NIM1K: variants seen among roughly 807,000 people sequenced by gnomAD.
The protein encoded by NIM1K is NIM1 serine/threonine protein kinase.
NIM1K carries 35 observed loss-of-function variants against 37.1 expected under a neutral mutation model. That is an observed-to-expected ratio of 0.94 (90% CI 0.72 to 1.25). The LOEUF (loss-of-function observed/expected upper bound fraction) is 1.25, where lower values mean the gene tolerates loss of function less well. Among genes scored for constraint, NIM1K ranks in the 50% most tolerant of loss-of-function variants. NIM1K has a pLI of 0.00. For missense variants in NIM1K, 564 were observed against 548.0 expected (o/e 1.03, Z -0.29); for synonymous variants, 234 against 206.6 (o/e 1.13, Z -1.14).
At chr5:43,239,865 A>C (rs898400872) in intron 1 of NIM1K, among the ~76,000 whole-genome samples, 19 of 151,982 alleles carry the variant, frequency 1.3e-4, no homozygotes, top group African/African-American at 4.6e-4. Context: ...GTTTTTTGGA[A>C]TAAAGTAGAA....
intron 1 of NIM1K, among the ~76,000 whole-genome samples, chr5:43,210,827 A>C (rs960866177): frequency 2.0e-5 from 3 of 152,216 alleles, no homozygotes; most frequent in Admixed American, 2.0e-4. Flanking sequence ...CCAACCCCCC[A>C]GTGAGGTACA....
Position 43,243,449 on chromosome 5 carries a change from G to GT in NIM1K, c.-694-1620dup, listed in dbSNP as rs374755279. On this transcript the variant is annotated intron_variant, in intron 1 of 3. Coordinates refer to ENST00000326035, the MANE Select transcript of NIM1K (RefSeq NM_153361.4). ...TTGGATGCAAATTGTATGGGTGAGG[G>GT]TTTTTTTTTTTTTCCTCCTGGGGAT... 5.8e-3 allele frequency among the ~76,000 whole-genome samples: 823 copies of GT among 141,612 alleles called. 3 individuals are homozygous for GT. Among genetic ancestry groups the GT allele is most frequent in the African/African-American group, 0.015 (574 of 38,912 alleles). 92.9% of individuals were successfully genotyped at this position (141,612 alleles called of 152,430 possible).
At chr5:43,263,553 A>AG (rs901452746) in intron 2 of NIM1K, among the ~76,000 whole-genome samples, 71 of 151,786 alleles carry the variant, frequency 4.7e-4, no homozygotes, top group African/African-American at 1.7e-3. Flanking sequence ...ATCTTTTCAA[A>AG]AAAAAAACAG....
chr5:43,222,701 T>G (rs1020487140), intron 1 of NIM1K, among the ~76,000 whole-genome samples: 2 of 150,932 alleles, frequency 1.3e-5, no homozygotes, highest in East Asian at 3.9e-4. Context: ...GCTACTGTAC[T>G]CCAACCTGGG....
At chr5:43,258,480 C>T in intron 2 of NIM1K, among the ~76,000 whole-genome samples, 1 of 149,318 alleles carries the variant, frequency 6.7e-6, no homozygotes, top group African/African-American at 2.5e-5. Flanking sequence ...TTTGCTTTGT[C>T]ACCCAGGCTG....
chr5:43,270,634 A>C, intron 2 of NIM1K, among the ~76,000 whole-genome samples: 1 of 152,254 alleles, frequency 6.6e-6, no homozygotes, highest in East Asian at 1.9e-4. Flanking sequence ...TATGTCTGCC[A>C]GGCGCTTTAA....
chr5:43,261,512 C>A (rs1001664245), intron 2 of NIM1K, among the ~76,000 whole-genome samples: 1 of 152,032 alleles, frequency 6.6e-6, no homozygotes, highest in African/African-American at 2.4e-5. Flanking sequence ...GATATTAGCC[C>A]TTTGTCAGGT....
rs570426648 is a variant in NIM1K at position 43,280,284 on chromosome 5, G to T, written c.866G>T (p.Ser289Ile). Residue 289 changes from serine (S) to isoleucine (I), a missense_variant, in exon 4 of 4, where the codon AGT (serine) becomes ATT (isoleucine). Physicochemically the swap from Ser to Ile is moderately radical, Grantham distance 142 (BLOSUM62 -2). Transcript: ENST00000326035. Reference sequence around the variant, plus strand: ...AAGAGCATCCTCGAGGGCACATACAGTGTACCGCCGCACGTGTCAGAGCCC... The same window carrying T: ...AAGAGCATCCTCGAGGGCACATACATTGTACCGCCGCACGTGTCAGAGCCC... ...LKKSILEGTYSVPPHVSEPCH... is the reference protein window; with the variant it reads ...LKKSILEGTYIVPPHVSEPCH... The T allele has an allele frequency of 6.2e-7, 1 of 1,614,174 alleles. No individual in the cohort carries two copies. Among genetic ancestry groups the T allele is most frequent in the Non-Finnish European group, 8.5e-7 (1 of 1,180,028 alleles).
intron 2 of NIM1K, among the ~76,000 whole-genome samples, chr5:43,262,020 T>G (rs891603483): frequency 1.3e-5 from 2 of 152,234 alleles, no homozygotes; most frequent in African/African-American, 4.8e-5. Flanking sequence ...AGCCTTGTAG[T>G]ATAGTTTGAA....
intron 1 of NIM1K, among the ~76,000 whole-genome samples, chr5:43,202,004 C>A (rs1030325562): frequency 3.4e-4 from 51 of 150,234 alleles, no homozygotes; most frequent in African/African-American, 1.2e-3. Flanking sequence ...AGATATTTTT[C>A]TAAATTATTC....
chr5:43,221,762 A>G (rs1207602408), intron 1 of NIM1K, among the ~76,000 whole-genome samples: 1 of 152,238 alleles, frequency 6.6e-6, no homozygotes, highest in Non-Finnish European at 1.5e-5. Flanking sequence ...GATGACTGGC[A>G]CAAGGGTAGG....
intron 1 of NIM1K, chr5:43,207,076 C>A: frequency 1.4e-6 from 1 of 718,288 alleles, no homozygotes; most frequent in Non-Finnish European, 2.6e-6. Context: ...TACCTATGGG[C>A]GCCTGGTTGA....
chr5:43,197,419 A>G (rs1751935413), intron 1 of NIM1K, among the ~76,000 whole-genome samples: 1 of 152,162 alleles, frequency 6.6e-6, no homozygotes, highest in South Asian at 2.1e-4. Flanking sequence ...TGCTGGGATT[A>G]CAGGCGTGAG....
At chr5:43,274,403 A>C (rs112473887) in intron 2 of NIM1K, among the ~76,000 whole-genome samples, 1 of 151,456 alleles carries the variant, frequency 6.6e-6, no homozygotes, top group East Asian at 2.0e-4. Flanking sequence ...CAGTAATGGG[A>C]GAACTGAGGA....
chr5:43,245,579 G>A lies in NIM1K; in HGVS notation c.-197G>A, dbSNP rs1356034120. On this transcript the variant is annotated 5_prime_UTR_variant, in exon 2 of 4. Transcript: ENST00000326035. ...GAGTGAGGCGAGCAGCTCCTGGCTGGGCTGGGCAGACTCAGCTACCACGTT... is the reference window on the plus strand; with the variant it reads ...GAGTGAGGCGAGCAGCTCCTGGCTGAGCTGGGCAGACTCAGCTACCACGTT... 9.7e-6 allele frequency: 5 copies of A among 517,532 alleles called. No individual in the cohort carries two copies. Among genetic ancestry groups the A allele is most frequent in the Non-Finnish European group, 1.4e-5 (4 of 295,822 alleles). The allele number at this position is 517,532 out of a possible 1,614,324, so 32.1% of individuals were successfully genotyped here.
intron 2 of NIM1K, 25 bp from the exon 3 acceptor site, chr5:43,277,032 C>A (rs370574113): frequency 1.7e-5 from 28 of 1,610,742 alleles, no homozygotes; most frequent in East Asian, 2.2e-5. Context: ...AATTCTGGCA[C>A]AATTTTTACT....
chr5:43,195,661 C>A (rs1309338314), intron 1 of NIM1K, among the ~76,000 whole-genome samples: 20 of 112,048 alleles, frequency 1.8e-4, no homozygotes, highest in African/African-American at 4.4e-4. Context: ...ACTCTGAATC[C>A]AAAAAAAAAA....
intron 2 of NIM1K, among the ~76,000 whole-genome samples, chr5:43,274,576 G>T (rs1350353699): frequency 1.3e-5 from 2 of 152,192 alleles, no homozygotes; most frequent in Non-Finnish European, 2.9e-5. Flanking sequence ...AAAGAAAGGG[G>T]AAGAAGAGTG....
At chr5:43,268,262 T>A (rs1053474629) in intron 2 of NIM1K, among the ~76,000 whole-genome samples, 8 of 152,238 alleles carry the variant, frequency 5.3e-5, no homozygotes, top group Non-Finnish European at 1.5e-5. Flanking sequence ...CATGGCATTG[T>A]GGTGAAGAAA....
Sources: gnomAD v4.1 joint callset for allele counts (sites outside exome capture counted in the v4.1 genomes callset) on GRCh38, gnomAD v4.1.1 for gene constraint, MANE v1.5 for transcripts, NCBI Gene and HGNC (gene_info 2026-07-23, HGNC 2026-07-21) for gene names.